Variants in DLD observed in about 807,000 individuals in gnomAD.
DLD encodes the protein dihydrolipoyl dehydrogenase, mitochondrial.
In DLD, 36 loss-of-function variants were observed where a neutral mutation model predicts 62.2. The observed-to-expected ratio is 0.58, with a 90% CI of 0.44 to 0.76. The LOEUF is 0.76. Among genes scored for constraint, DLD ranks in the 30% least tolerant of loss-of-function variants. DLD has a pLI of 0.00. For synonymous variants in DLD, 204 were observed against 199.6 expected (o/e 1.02, Z -0.19); for missense variants, 541 against 608.6 (o/e 0.89, Z 1.17).
intron 8 of DLD, among the ~76,000 whole-genome samples, chr7:107,914,714 T>C (rs2032225574): frequency 6.6e-6 from 1 of 152,198 alleles, no homozygotes. Context: ...ATATACATTC[T>C]TGCAAAGGAT....
At chr7:107,916,067 T>C (rs1333707490) in intron 9 of DLD, among the ~76,000 whole-genome samples, 1 of 152,220 alleles carries the variant, frequency 6.6e-6, no homozygotes, top group Non-Finnish European at 1.5e-5. Flanking sequence ...GGCATTTAAC[T>C]TATTGAATTA....
chr7:107,892,885 T>TA (rs1401947878), intron 1 of DLD, among the ~76,000 whole-genome samples: 4 of 152,320 alleles, frequency 2.6e-5, no homozygotes, highest in Middle Eastern at 6.8e-3. Context: ...CTGGCACTAA[T>TA]AATTAGCCAT....
chr7:107,895,552 C>T (rs968406233), intron 2 of DLD, among the ~76,000 whole-genome samples: 2 of 152,196 alleles, frequency 1.3e-5, no homozygotes, highest in Admixed American at 6.5e-5. Flanking sequence ...TCGACAAATA[C>T]TAATATCTAC....
chr7:107,903,639 T>C (rs1363227055), intron 5 of DLD, 92 bp downstream of exon 5: 3 of 696,256 alleles, frequency 4.3e-6, no homozygotes, highest in Non-Finnish European at 7.7e-6. Flanking sequence ...GTACGCATAA[T>C]AGATGTTTAG....
chr7:107,918,132 C>A, intron 12 of DLD, 71 bp downstream of exon 12: 3 of 1,550,114 alleles, frequency 1.9e-6, no homozygotes, highest in Non-Finnish European at 2.7e-6. Context: ...AATTATAAAC[C>A]ACCTGGTGTT....
At position 107,920,503 on chromosome 7, in the gene DLD, T is replaced by A. The variant is rs532290189; in HGVS notation, c.*1244T>A. The A allele has an allele frequency of 6.6e-6, 1 of 152,208 alleles. No individual in the cohort carries two copies. Among genetic ancestry groups the A allele is most frequent in the Non-Finnish European group, 1.5e-5 (1 of 68,036 alleles). 9.4% of individuals were successfully genotyped at this position (152,208 alleles called of 1,614,324 possible). A position where few individuals can be genotyped will look rare whatever the true frequency, so the allele number is the denominator to read the frequency against. Reference sequence around the variant, plus strand: ...ACTTGGCTGAACACCAACTCCACACTCTGTCTTGTTTGTAGGTGGCAGCAG... The same window carrying A: ...ACTTGGCTGAACACCAACTCCACACACTGTCTTGTTTGTAGGTGGCAGCAG... On this transcript the variant is annotated 3_prime_UTR_variant, in exon 14 of 14. Coordinates refer to ENST00000205402, the MANE Select transcript of DLD (RefSeq NM_000108.5).
chr7:107,915,650 A>G lies in DLD; in HGVS notation c.829A>G (p.Lys277Glu). The change falls in exon 9 of 14, where the codon AAG becomes GAG. Residue 277 changes from lysine (K) to glutamate (E), a missense_variant. Transcript: ENST00000205402. ...KQGFKFKLNT[K>E]VTGATKKSDG... ...GGGGTTTAAATTTAAATTGAATACA[A>G]AGGTTACTGGTGCTACCAAGAAGTC... The G allele has an allele frequency of 6.2e-7, 1 of 1,613,808 alleles. No individual in the cohort carries two copies. The highest frequency in any genetic ancestry group is 8.5e-7 in the Non-Finnish European group (1 of 1,179,840).
chr7:107,905,554 C>G (rs757410124), intron 7 of DLD, 50 bp downstream of exon 7: 1 of 1,567,658 alleles, frequency 6.4e-7, no homozygotes, highest in Non-Finnish European at 8.8e-7. Flanking sequence ...TTTAGAAATA[C>G]GTTTTATAAG....
chr7:107,896,235 G>A (rs1000804050), intron 2 of DLD, among the ~76,000 whole-genome samples: 1 of 152,220 alleles, frequency 6.6e-6, no homozygotes, highest in Non-Finnish European at 1.5e-5. Context: ...TAGCTTTGCG[G>A]TAGCACTGGG....
intron 8 of DLD, among the ~76,000 whole-genome samples, chr7:107,912,305 T>A (rs1201291052): frequency 1.3e-5 from 2 of 152,118 alleles, no homozygotes. Flanking sequence ...CGCAGATACC[T>A]CTTCAATATA....
rs67913323 is a variant in DLD at position 107,898,270 on chromosome 7, C to CTT, written c.119-3445_119-3444dup. On this transcript the variant is annotated intron_variant, in intron 2 of 13. Coordinates refer to ENST00000205402, the MANE Select transcript of DLD (RefSeq NM_000108.5). The stretch of plus-strand genomic sequence containing the variant: ...TTTCATTTAACTACTTTTCTGTATC[C>CTT]TTTTTTTTTTTTTTTTTTTTTTTTG... 3.4e-3 allele frequency among the ~76,000 whole-genome samples: 224 copies of CTT among 65,532 alleles called. 4 individuals are homozygous for CTT. Among genetic ancestry groups the CTT allele is most frequent in the African/African-American group, 0.01 (162 of 15,452 alleles). 43.0% of individuals were successfully genotyped at this position (65,532 alleles called of 152,430 possible).
At chr7:107,896,745 T>G (rs1332849944) in intron 2 of DLD, among the ~76,000 whole-genome samples, 1 of 152,234 alleles carries the variant, frequency 6.6e-6, no homozygotes, top group East Asian at 1.9e-4. Context: ...CAAGTAGTTC[T>G]TACATTCAGT....
chr7:107,912,799 T>G (rs1035709980), intron 8 of DLD, among the ~76,000 whole-genome samples: 1 of 152,186 alleles, frequency 6.6e-6, no homozygotes, highest in African/African-American at 2.4e-5. Flanking sequence ...GTTTTTTAAC[T>G]TAATGTAATC....
chr7:107,894,147 A>G lies in DLD; in HGVS notation c.118+869A>G, dbSNP rs560990605. ...CATTTTATTTTTTTAAGTATTTAAAACAGAAAGTTAATAGGATTATATTGA... is the reference window on the plus strand; with the variant it reads ...CATTTTATTTTTTTAAGTATTTAAAGCAGAAAGTTAATAGGATTATATTGA... On this transcript the variant is annotated intron_variant, in intron 2 of 13. Transcript: ENST00000205402. Among the ~76,000 whole-genome samples, 3 of 152,302 alleles carry G rather than the reference A, an allele frequency of 2.0e-5. No homozygotes were observed. In the East Asian group the frequency reaches 5.8e-4, roughly 29 times the overall value.
rs1446315760 is a variant in DLD at position 107,914,119 on chromosome 7, T to A, written c.685-1387T>A. 2.0e-5 allele frequency among the ~76,000 whole-genome samples: 3 copies of A among 152,166 alleles called. No individual in the cohort carries two copies. The East Asian group carries it at 5.8e-4, about 29-fold the overall frequency. On this transcript the variant is annotated intron_variant, in intron 8 of 13. Transcript: ENST00000205402. ...CTTTTTATGTGTTGTTGAATTCAATTCATTGTGGTTTTAACTTAGATTTCT... is the reference window on the plus strand; with the variant it reads ...CTTTTTATGTGTTGTTGAATTCAATACATTGTGGTTTTAACTTAGATTTCT...
chr7:107,904,634 T>C (rs1213955495), intron 5 of DLD: 1 of 466,844 alleles, frequency 2.1e-6, no homozygotes, highest in Admixed American at 2.5e-5. Context: ...GATGTTTTAC[T>C]TTGTCATTTC....
chr7:107,917,895 C>G (rs374456538), intron 11 of DLD, 29 bp from the exon 12 acceptor site: 23 of 1,613,486 alleles, frequency 1.4e-5, no homozygotes, highest in Non-Finnish European at 1.8e-5. Flanking sequence ...CTGGCAGTTA[C>G]GTAGATTCTT....
chr7:107,891,153 T>A (rs2031555719), upstream of DLD: 7 of 1,469,320 alleles, frequency 4.8e-6, no homozygotes, highest in Non-Finnish European at 6.6e-6. Flanking sequence ...TGACGTAGGC[T>A]GCGCCTGTGC....
In DLD at chr7:107,920,133, C is replaced by T. The variant is rs568336095; in HGVS notation, c.*874C>T. On this transcript the variant is annotated 3_prime_UTR_variant, in exon 14 of 14. Coordinates refer to ENST00000205402, the MANE Select transcript of DLD (RefSeq NM_000108.5). ...ATCATCCTTTCATCTATTTTAGATA[C>T]ACCTACTAAATGTTTAATATATACT... 6.6e-6 allele frequency: 1 copy of T among 152,306 alleles called. No homozygotes were observed. The highest frequency in any genetic ancestry group is 2.1e-4 in the South Asian group (1 of 4,824). The allele number at this position is 152,306 out of a possible 1,614,324, so 9.4% of individuals were successfully genotyped here. A position where few individuals can be genotyped will look rare whatever the true frequency, so the allele number is the denominator to read the frequency against.
Sources: allele counts gnomAD v4.1 joint callset (sites outside exome capture counted in the v4.1 genomes callset), GRCh38; gene constraint gnomAD v4.1.1; transcripts MANE v1.5; gene names NCBI Gene and HGNC (gene_info 2026-07-23, HGNC 2026-07-21).